NSF: variants seen among roughly 807,000 people sequenced by gnomAD.
The protein encoded by NSF is vesicle-fusing ATPase.
NSF carries 14 observed loss-of-function variants against 50.3 expected under a neutral mutation model. That is an observed-to-expected ratio of 0.28 (90% CI 0.18 to 0.44). The LOEUF (loss-of-function observed/expected upper bound fraction) is 0.44. Among genes scored for constraint, NSF ranks in the 20% least tolerant of loss-of-function variants. NSF has a pLI of 1.00. For synonymous variants in NSF, 109 were observed against 175.7 expected, an observed-to-expected ratio of 0.62 and a Z score of 3.00; for missense variants, 218 against 504.3, an observed-to-expected ratio of 0.43 and a Z score of 5.44.
intron 19 of NSF, among the ~76,000 whole-genome samples, chr17:46,754,095 T>C (rs1315572191): frequency 6.6e-6 from 1 of 151,830 alleles, no homozygotes; most frequent in Non-Finnish European, 1.5e-5. Flanking sequence ...ATATTAAATA[T>C]ATTTAATGGG....
intron 19 of NSF, among the ~76,000 whole-genome samples, chr17:46,754,505 C>G (rs867238983): frequency 6.6e-6 from 1 of 152,084 alleles, no homozygotes; most frequent in Non-Finnish European, 1.5e-5. Context: ...GTGTTTCTTA[C>G]AATAAAAATT....
intron 15 of NSF, chr17:46,722,033 A>G: frequency 6.2e-7 from 1 of 1,609,322 alleles, no homozygotes; most frequent in Non-Finnish European, 8.5e-7. Context: ...GGCTGCCGTA[A>G]TATTCAGCTC....
Position 46,713,920 on chromosome 17 carries a change from C to T in NSF, c.1695C>T (p.Ile565=). 6.2e-7 allele frequency: 1 copy of T among 1,612,586 alleles called. No individual in the cohort carries two copies. The highest frequency in any genetic ancestry group is 8.5e-7 in the Non-Finnish European group (1 of 1,179,640). ...CAGAGGAATCCAACTTCCCGTTCAT[C>T]AAGATCTGTTCTCCTGATAAAATGA... ...KIAEESNFPF[I]KICSPDKMIG... is the part of the protein sequence containing the mutation. Residue 565 remains isoleucine, a synonymous_variant, in exon 15 of 21, where the codon ATC becomes ATT. Transcript: ENST00000398238.
At chr17:46,723,980 A>C (rs189530350) in intron 15 of NSF, among the ~76,000 whole-genome samples, 78 of 152,302 alleles carry the variant, frequency 5.1e-4, no homozygotes, top group African/African-American at 1.9e-3. Context: ...TTTACGTCCA[A>C]GTTCCTTCAT....
chr17:46,750,638 A>G (rs533213377), intron 18 of NSF, among the ~76,000 whole-genome samples: 2 of 152,356 alleles, frequency 1.3e-5, no homozygotes, highest in African/African-American at 4.8e-5. Flanking sequence ...CCATTCCTCA[A>G]TGTAGGCAGC....
intron 1 of NSF, among the ~76,000 whole-genome samples, chr17:46,610,105 C>CTT (rs1304048198): frequency 1.7e-5 from 2 of 115,328 alleles, no homozygotes; most frequent in African/African-American, 6.7e-5. Flanking sequence ...CTCTTTCTCT[C>CTT]TCTCTCTCTC....
chr17:46,711,177 A>G (rs1223002243), intron 14 of NSF, 58 bp downstream of exon 14: 2 of 1,412,074 alleles, frequency 1.4e-6, no homozygotes, highest in African/African-American at 3.0e-5. Context: ...AGCATTTTTT[A>G]AAAGCCCGTA....
chr17:46,663,037 A>G (rs1183013292), intron 8 of NSF, among the ~76,000 whole-genome samples: 1 of 134,880 alleles, frequency 7.4e-6, no homozygotes, highest in Non-Finnish European at 1.7e-5. Flanking sequence ...GAAAACATCT[A>G]TTCTTGATAA....
At position 46,667,490 on chromosome 17, in the gene NSF, C is replaced by G. The variant is rs1402639034; in HGVS notation, c.746-6924C>G. Among the ~76,000 whole-genome samples, 3 of 137,490 alleles carry G rather than the reference C, an allele frequency of 2.2e-5. 1 individual carries two copies. The highest frequency in any genetic ancestry group is 4.9e-5 in the Non-Finnish European group (3 of 61,564). The allele number at this position is 137,490 out of a possible 152,430, so 90.2% of individuals were successfully genotyped here. On this transcript the variant is annotated intron_variant, in intron 8 of 20. Coordinates refer to ENST00000398238, the MANE Select transcript of NSF (RefSeq NM_006178.4). ...TTTTTTTTTTTTAAGAAATCTTTAC[C>G]TTGCAAAACTAAAACTAAAACAACC...
chr17:46,598,520 C>G (rs962046512), intron 1 of NSF, among the ~76,000 whole-genome samples: 2 of 152,216 alleles, frequency 1.3e-5, no homozygotes, highest in African/African-American at 2.4e-5. Flanking sequence ...TAAACCTAGT[C>G]GAGGTCATCT....
intron 1 of NSF, among the ~76,000 whole-genome samples, chr17:46,622,411 T>C (rs2058075351): frequency 6.7e-6 from 1 of 150,202 alleles, no homozygotes. Flanking sequence ...TAAGCCGATA[T>C]CGCACCAGGG....
intron 17 of NSF, among the ~76,000 whole-genome samples, chr17:46,748,051 T>G (rs534598421): frequency 6.6e-6 from 1 of 152,342 alleles, no homozygotes; most frequent in African/African-American, 2.4e-5. Flanking sequence ...GCATTTGTCT[T>G]TTAGCCTTCA....
At chr17:46,735,439 C>T (rs751680606) in intron 17 of NSF, among the ~76,000 whole-genome samples, 1 of 151,042 alleles carries the variant, frequency 6.6e-6, no homozygotes, top group Non-Finnish European at 1.5e-5. Context: ...TTCTGTAGAA[C>T]TTACTCTTTG....
chr17:46,707,966 G>A (rs935754779), intron 13 of NSF, among the ~76,000 whole-genome samples: 1 of 151,570 alleles, frequency 6.6e-6, no homozygotes, highest in African/African-American at 2.4e-5. Flanking sequence ...CCGGGAGGTG[G>A]AGGTTGCAGT....
At chr17:46,741,439 A>C (rs1345211539) in intron 17 of NSF, among the ~76,000 whole-genome samples, 1 of 152,166 alleles carries the variant, frequency 6.6e-6, no homozygotes, top group Non-Finnish European at 1.5e-5. Context: ...TCCTGCTTGC[A>C]GCACCATGAG....
chr17:46,687,631 A>G (rs562149444), intron 9 of NSF, among the ~76,000 whole-genome samples: 7 of 151,652 alleles, frequency 4.6e-5, no homozygotes, highest in Admixed American at 1.3e-4. Context: ...TTCCAAGTGC[A>G]TACTCCTTTT....
chr17:46,743,291 C>T (rs760277591), intron 17 of NSF, among the ~76,000 whole-genome samples: 32 of 152,138 alleles, frequency 2.1e-4, no homozygotes, highest in Non-Finnish European at 3.8e-4. Context: ...CTGACCTAAC[C>T]GTATGGATTC....
intron 8 of NSF, among the ~76,000 whole-genome samples, chr17:46,666,817 T>TATA (rs1257684896): frequency 1.3e-5 from 1 of 77,620 alleles, no homozygotes; most frequent in East Asian, 3.4e-4. Flanking sequence ...GAAGAGAGGC[T>TATA]ATAGCTACAA....
chr17:46,754,201 A>G (rs770997959), intron 19 of NSF, among the ~76,000 whole-genome samples: 98 of 128,434 alleles, frequency 7.6e-4, no homozygotes, highest in Admixed American at 1.3e-3. Flanking sequence ...ATGTAATTCT[A>G]TTCCCAAAAA....
Sources: gnomAD v4.1 joint callset for allele counts (sites outside exome capture counted in the v4.1 genomes callset) on GRCh38, gnomAD v4.1.1 for gene constraint, MANE v1.5 for transcripts, NCBI Gene and HGNC (gene_info 2026-07-23, HGNC 2026-07-21) for gene names.